Variants in EYS observed in about 807,000 individuals in gnomAD.
The protein encoded by EYS is protein eyes shut homolog.
Under a neutral mutation model 282.1 loss-of-function variants are expected in EYS, and 250 were observed. That is an observed-to-expected ratio of 0.89 (90% CI 0.80 to 0.98). EYS has a LOEUF of 0.98. EYS is among the 50% of genes least tolerant of loss of function. The pLI, the probability that EYS is intolerant of heterozygous loss-of-function variation, is 0.00. For missense variants in EYS, 4,016 were observed against 3,709.0 expected (o/e 1.08, Z -2.15); for synonymous variants, 1,355 against 1,282.9 (o/e 1.06, Z -1.20).
intron 5 of EYS, among the ~76,000 whole-genome samples, chr6:65,469,543 T>C (rs1765130019): frequency 2.0e-5 from 3 of 152,130 alleles, no homozygotes; most frequent in South Asian, 2.1e-4. Flanking sequence ...AGAAAATGTA[T>C]ACACCTTCAA....
chr6:64,663,644 G>A (rs1182709113), intron 22 of EYS, among the ~76,000 whole-genome samples: 3 of 152,104 alleles, frequency 2.0e-5, no homozygotes, highest in Non-Finnish European at 4.4e-5. Flanking sequence ...TCCCACAGAG[G>A]AACACGTTAC....
chr6:64,437,469 A>T (rs1365809888), intron 27 of EYS, among the ~76,000 whole-genome samples: 1 of 151,736 alleles, frequency 6.6e-6, no homozygotes, highest in Non-Finnish European at 1.5e-5. Flanking sequence ...CTCCATCTTA[A>T]GAAAATTTAA....
chr6:64,520,609 C>A (rs186693386), intron 26 of EYS, among the ~76,000 whole-genome samples: 1 of 151,564 alleles, frequency 6.6e-6, no homozygotes, highest in Non-Finnish European at 1.5e-5. Context: ...ATTTTTATGA[C>A]TTGAGAATGA....
chr6:65,216,756 T>C lies in EYS; in HGVS notation c.2023+79107A>G, dbSNP rs752972372. ...ATAAAAACACAATCTTAAACTGTTATAATTTACTTGGCTTGCAAATATTTT... is the reference window on the plus strand; with the variant it reads ...ATAAAAACACAATCTTAAACTGTTACAATTTACTTGGCTTGCAAATATTTT... On this transcript the variant is annotated intron_variant, in intron 12 of 42. Coordinates refer to ENST00000503581, the MANE Select transcript of EYS (RefSeq NM_001142800.2). 2.6e-5 allele frequency among the ~76,000 whole-genome samples: 4 copies of C among 151,854 alleles called. No homozygotes were observed. In the South Asian group the frequency reaches 6.2e-4, roughly 24 times the overall value.
At chr6:65,126,546 C>A (rs1454780810) in intron 12 of EYS, among the ~76,000 whole-genome samples, 1 of 152,242 alleles carries the variant, frequency 6.6e-6, no homozygotes, top group East Asian at 1.9e-4. Flanking sequence ...ATCAGCAACA[C>A]CAGAGGCAGA....
rs192986497 is a variant in EYS, at chr6:64,100,194, A to G, written c.6425-18192T>C. Among the ~76,000 whole-genome samples the G allele has an allele frequency of 2.6e-5, 4 of 152,288 alleles. No homozygotes were observed. In the South Asian group the frequency reaches 8.3e-4, roughly 32 times the overall value. On this transcript the variant is annotated intron_variant, in intron 31 of 42. Coordinates refer to ENST00000503581, the MANE Select transcript of EYS (RefSeq NM_001142800.2). Reference sequence around the variant, plus strand: ...AGAATAATTATACTACTTTCTGTCAATCATTTTTAACTTATCTTGCATATT... The same window carrying G: ...AGAATAATTATACTACTTTCTGTCAGTCATTTTTAACTTATCTTGCATATT...
intron 12 of EYS, among the ~76,000 whole-genome samples, chr6:65,088,470 C>A (rs1467128453): frequency 3.9e-5 from 6 of 152,128 alleles, no homozygotes; most frequent in Non-Finnish European, 7.4e-5. Context: ...TATGCTTTAG[C>A]AAAGTTCCTG....
At chr6:64,710,145 A>G (rs1215354593) in intron 22 of EYS, among the ~76,000 whole-genome samples, 5 of 152,230 alleles carry the variant, frequency 3.3e-5, no homozygotes, top group Admixed American at 2.6e-4. Context: ...TTAAATTCTC[A>G]TTGTATAAAT....
At chr6:65,398,902 C>T (rs980662334) in intron 7 of EYS, among the ~76,000 whole-genome samples, 2 of 152,038 alleles carry the variant, frequency 1.3e-5, no homozygotes, top group African/African-American at 4.8e-5. Flanking sequence ...GTTTATTTCC[C>T]AACCTTTCAA....
At chr6:63,904,329 A>G (rs1454115338) in intron 35 of EYS, among the ~76,000 whole-genome samples, 1 of 151,328 alleles carries the variant, frequency 6.6e-6, no homozygotes, top group African/African-American at 2.4e-5. Flanking sequence ...GACTTACCCA[A>G]CCTTTTTTTT....
chr6:65,643,860 G>T (rs373895998), intron 1 of EYS, among the ~76,000 whole-genome samples: 3 of 152,196 alleles, frequency 2.0e-5, no homozygotes, highest in East Asian at 3.9e-4. Flanking sequence ...CTATCCCTAG[G>T]GGGAGGGGGT....
At chr6:65,449,238 C>T (rs1405206201) in intron 5 of EYS, among the ~76,000 whole-genome samples, 1 of 152,078 alleles carries the variant, frequency 6.6e-6, no homozygotes, top group Non-Finnish European at 1.5e-5. Flanking sequence ...TCTTGGCTCT[C>T]TTCCTGTAAG....
chr6:64,689,079 C>T (rs1770271991), intron 22 of EYS, among the ~76,000 whole-genome samples: 1 of 152,194 alleles, frequency 6.6e-6, no homozygotes, highest in Non-Finnish European at 1.5e-5. Flanking sequence ...ACCCCATCGT[C>T]TCAGCCCAAA....
At chr6:64,601,283 C>T (rs544281663) in intron 24 of EYS, among the ~76,000 whole-genome samples, 59 of 152,168 alleles carry the variant, frequency 3.9e-4, no homozygotes, top group African/African-American at 1.4e-3. Context: ...CTCTGAAATA[C>T]ATTTTTATAT....
chr6:64,595,419 C>T (rs149713409), intron 24 of EYS, among the ~76,000 whole-genome samples: 48 of 152,102 alleles, frequency 3.2e-4, no homozygotes, highest in African/African-American at 9.6e-4. Context: ...TCACCATTGT[C>T]CCGGAAGTGC....
At chr6:64,864,382 C>CTTTTTTTTTTTTTTTTTTTTTT (rs1562231995) in intron 19 of EYS, among the ~76,000 whole-genome samples, 4 of 40,076 alleles carry the variant, frequency 1.0e-4, no homozygotes, top group Non-Finnish European at 1.7e-4. Flanking sequence ...GGTGCTATAC[C>CTTTTTTTTTTTTTTTTTTTTTT]TTCTTTTTTT....
chr6:65,178,627 C>T (rs559630020), intron 12 of EYS, among the ~76,000 whole-genome samples: 1 of 151,962 alleles, frequency 6.6e-6, no homozygotes, highest in Non-Finnish European at 1.5e-5. Flanking sequence ...CTTTAACACC[C>T]CACTGTCAAC....
chr6:65,362,576 T>C (rs149721498), intron 8 of EYS, among the ~76,000 whole-genome samples: 5 of 151,892 alleles, frequency 3.3e-5, no homozygotes, highest in African/African-American at 7.2e-5. Flanking sequence ...TTATTATATA[T>C]ATACATATAT....
chr6:65,209,884 C>T (rs1766129829), intron 12 of EYS, among the ~76,000 whole-genome samples: 1 of 151,832 alleles, frequency 6.6e-6, no homozygotes, highest in African/African-American at 2.4e-5. Flanking sequence ...CATATAAAAG[C>T]CCCAGGTGGG....
Sources: allele counts gnomAD v4.1 joint callset (sites outside exome capture counted in the v4.1 genomes callset), GRCh38; gene constraint gnomAD v4.1.1; transcripts MANE v1.5; gene names NCBI Gene and HGNC (gene_info 2026-07-23, HGNC 2026-07-21).